The following PBX1 variants were observed in gnomAD, a reference collection of about 807,000 sequenced individuals.
PBX1 encodes pre-B-cell leukemia transcription factor 1.
PBX1 carries 6 observed loss-of-function variants against 53.4 expected under a neutral mutation model. That is an observed-to-expected ratio of 0.11 (90% CI 0.06 to 0.22). The LOEUF (loss-of-function observed/expected upper bound fraction) is 0.22, where lower values mean the gene tolerates loss of function less well. Ranked by LOEUF, PBX1 falls within the 10% of genes least tolerant of loss-of-function variation. PBX1 has a pLI of 1.00. For missense variants in PBX1, 251 were observed against 551.4 expected (o/e 0.46, Z 5.46); for synonymous variants, 204 against 212.3 (o/e 0.96, Z 0.34).
chr1:164,825,226 A>G (rs1301594784), intron 8 of PBX1, among the ~76,000 whole-genome samples: 3 of 151,984 alleles, frequency 2.0e-5, no homozygotes, highest in Non-Finnish European at 4.4e-5. Context: ...CCACCCCACT[A>G]TCCAAATCAC....
At chr1:164,691,070 A>G (rs1265260096) in intron 2 of PBX1, among the ~76,000 whole-genome samples, 2 of 133,002 alleles carry the variant, frequency 1.5e-5, no homozygotes, top group Non-Finnish European at 3.1e-5. Context: ...GCTGGAGTGC[A>G]GTGGTGCAAT....
chr1:164,657,067 TAAAGC>T (rs1164225022), intron 2 of PBX1: 2 of 152,152 alleles, frequency 1.3e-5, no homozygotes, highest in Non-Finnish European at 2.9e-5. Context: ...TGCTGTTTGA[TAAAGC>T]AAAACAAAAC....
intron 8 of PBX1, among the ~76,000 whole-genome samples, chr1:164,840,810 G>A (rs928715884): frequency 6.6e-6 from 1 of 152,176 alleles, no homozygotes; most frequent in Non-Finnish European, 1.5e-5. Flanking sequence ...ACTTGGCAGT[G>A]CTTCTGCTCT....
At chr1:164,680,232 A>G (rs1661682558) in intron 2 of PBX1, 1 of 152,266 alleles carries the variant, frequency 6.6e-6, no homozygotes, top group African/African-American at 2.4e-5. Context: ...TAAAAATTAT[A>G]TTCTAGAGGT....
At chr1:164,670,995 C>T (rs374253637) in intron 2 of PBX1, among the ~76,000 whole-genome samples, 25 of 152,278 alleles carry the variant, frequency 1.6e-4, no homozygotes, top group East Asian at 1.5e-3. Context: ...AGTGACATCC[C>T]GCATTTCTCT....
intron 2 of PBX1, among the ~76,000 whole-genome samples, chr1:164,609,203 A>G (rs1041893740): frequency 2.6e-5 from 4 of 151,976 alleles, no homozygotes; most frequent in Admixed American, 6.6e-5. Context: ...ACACTGATGT[A>G]CAGGAAACTT....
chr1:164,600,342 C>T (rs1327948691), intron 2 of PBX1, among the ~76,000 whole-genome samples: 1 of 150,232 alleles, frequency 6.7e-6, no homozygotes, highest in East Asian at 2.0e-4. Context: ...ACCTCCACCT[C>T]CTGGGTTCAA....
At chr1:164,726,782 A>C (rs1455180941) in intron 2 of PBX1, among the ~76,000 whole-genome samples, 1 of 152,190 alleles carries the variant, frequency 6.6e-6, no homozygotes, top group African/African-American at 2.4e-5. Flanking sequence ...TTCAAAAAAG[A>C]GTTCTTCAAG....
At chr1:164,852,174 T>C (rs976099276), downstream of PBX1, among the ~76,000 whole-genome samples, 5 of 152,200 alleles carry the variant, frequency 3.3e-5, no homozygotes, top group African/African-American at 1.2e-4. Flanking sequence ...TCATGGCTGT[T>C]TGCCCAGTGA....
intron 2 of PBX1, among the ~76,000 whole-genome samples, chr1:164,699,731 A>G (rs1036598422): frequency 6.6e-6 from 1 of 152,100 alleles, no homozygotes; most frequent in Non-Finnish European, 1.5e-5. Context: ...ATGTGGAGGA[A>G]AATTCTTCTT....
intron 2 of PBX1, among the ~76,000 whole-genome samples, chr1:164,718,302 A>G (rs1342780449): frequency 6.6e-6 from 1 of 152,232 alleles, no homozygotes; most frequent in East Asian, 1.9e-4. Context: ...AAAAGAATTC[A>G]TCATACACAA....
chr1:164,809,890 G>T (rs1027653228), intron 5 of PBX1, among the ~76,000 whole-genome samples: 2 of 152,164 alleles, frequency 1.3e-5, no homozygotes, highest in Admixed American at 1.3e-4. Context: ...CTGGGAGCCT[G>T]TTAGAAATAT....
intron 2 of PBX1, among the ~76,000 whole-genome samples, chr1:164,612,891 C>T (rs966436612): frequency 6.6e-6 from 1 of 152,104 alleles, no homozygotes; most frequent in African/African-American, 2.4e-5. Flanking sequence ...TAACCTTGGA[C>T]AAGTGATTTG....
chr1:164,769,503 A>G (rs1005409099), intron 2 of PBX1: 3 of 152,170 alleles, frequency 2.0e-5, no homozygotes, highest in Non-Finnish European at 4.4e-5. Context: ...TTTGACATTT[A>G]TTAAATGGGC....
chr1:164,665,884 C>T (rs755141390), intron 2 of PBX1, among the ~76,000 whole-genome samples: 14 of 152,152 alleles, frequency 9.2e-5, no homozygotes, highest in Admixed American at 2.6e-4. Context: ...ATTCATGGGA[C>T]CCATTTTATC....
chr1:164,591,367 G>A (rs578174512), intron 2 of PBX1, among the ~76,000 whole-genome samples: 2 of 152,192 alleles, frequency 1.3e-5, no homozygotes, highest in East Asian at 3.9e-4. Flanking sequence ...TGGAATCAAG[G>A]GAAAACCTTA....
chr1:164,713,037 A>G (rs1663888535), intron 2 of PBX1, among the ~76,000 whole-genome samples: 1 of 152,168 alleles, frequency 6.6e-6, no homozygotes, highest in African/African-American at 2.4e-5. Context: ...AGCACAGGCA[A>G]GTCTTGAGTG....
intron 2 of PBX1, among the ~76,000 whole-genome samples, chr1:164,577,959 T>G (rs148845537): frequency 6.6e-6 from 1 of 152,284 alleles, no homozygotes; most frequent in African/African-American, 2.4e-5. Context: ...AATATAAGCA[T>G]AGCAATAATA....
At chr1:164,818,010 G>A (rs553784504) in intron 6 of PBX1, 1 of 152,288 alleles carries the variant, frequency 6.6e-6, no homozygotes, top group African/African-American at 2.4e-5. Flanking sequence ...GGGGAGTTGG[G>A]TGGGGGAGTC....
Sources: allele counts gnomAD v4.1 joint callset (sites outside exome capture counted in the v4.1 genomes callset), GRCh38; gene constraint gnomAD v4.1.1; transcripts MANE v1.5; gene names NCBI Gene and HGNC (gene_info 2026-07-23, HGNC 2026-07-21).